The following ACTR3C variants were observed in gnomAD, a reference collection of about 807,000 sequenced individuals.
The protein encoded by ACTR3C is actin related protein 3C.
Under a neutral mutation model 26.3 loss-of-function variants are expected in ACTR3C, and 18 were observed. The ratio of observed to expected loss-of-function variants is 0.68; its 90% CI spans 0.47 to 1.01. The LOEUF (loss-of-function observed/expected upper bound fraction) is 1.01, where lower values mean the gene tolerates loss of function less well. Among genes scored for constraint, ACTR3C ranks in the 50% least tolerant of loss-of-function variants. ACTR3C has a pLI of 0.00. For missense variants in ACTR3C, 184 were observed against 250.7 expected, an observed-to-expected ratio of 0.73 and a Z score of 1.80; for synonymous variants, 55 against 94.5, an observed-to-expected ratio of 0.58 and a Z score of 2.42.
the ACTR3C span, among the ~76,000 whole-genome samples, chr7:150,039,007 G>A: frequency 2.0e-5 from 1 of 49,360 alleles, no homozygotes; most frequent in South Asian, 6.4e-4. Flanking sequence ...GCCGGGGGGC[G>A]GGGAAGAGGG....
chr7:150,264,197 G>A (rs556912700), intron 6 of ACTR3C, among the ~76,000 whole-genome samples: 3 of 152,348 alleles, frequency 2.0e-5, no homozygotes, highest in East Asian at 3.9e-4. Flanking sequence ...CCTCATTCGC[G>A]CTGCTCCTTT....
chr7:150,163,278 A>G, the ACTR3C span, among the ~76,000 whole-genome samples: 1 of 152,142 alleles, frequency 6.6e-6, no homozygotes, highest in Non-Finnish European at 1.5e-5. Flanking sequence ...TAAGGAGTAC[A>G]GATATCTGGA....
At chr7:150,119,154 C>T in the ACTR3C span, among the ~76,000 whole-genome samples, 1 of 152,114 alleles carries the variant, frequency 6.6e-6, no homozygotes, top group South Asian at 2.1e-4. Flanking sequence ...TAAAGACCAT[C>T]GACACTATGA....
At chr7:150,102,227 G>A in the ACTR3C span, among the ~76,000 whole-genome samples, 2 of 151,596 alleles carry the variant, frequency 1.3e-5, no homozygotes, top group Non-Finnish European at 2.9e-5. Context: ...ACATTTAAGG[G>A]TCTGGGATGA....
the ACTR3C span, among the ~76,000 whole-genome samples, chr7:150,119,222 A>G: frequency 2.0e-5 from 3 of 152,240 alleles, no homozygotes; most frequent in Non-Finnish European, 4.4e-5. Flanking sequence ...GACAGGATCA[A>G]ATTCACATAT....
chr7:150,321,048 T>C (rs1797458086), intron 1 of ACTR3C, among the ~76,000 whole-genome samples: 1 of 152,192 alleles, frequency 6.6e-6, no homozygotes, highest in African/African-American at 2.4e-5. Flanking sequence ...CTTAACTCAC[T>C]TAGTTCAGTT....
chr7:149,943,856 G>C, the ACTR3C span, among the ~76,000 whole-genome samples: 1 of 144,678 alleles, frequency 6.9e-6, no homozygotes, highest in Non-Finnish European at 1.5e-5. Context: ...GGCCACAAAA[G>C]CTGCAATTGC....
the ACTR3C span, among the ~76,000 whole-genome samples, chr7:150,022,116 C>A: frequency 6.6e-6 from 1 of 151,720 alleles, no homozygotes. Flanking sequence ...TTCACCATAT[C>A]CATGCCAACA....
chr7:149,902,461 A>C, the ACTR3C span, among the ~76,000 whole-genome samples: 13 of 150,222 alleles, frequency 8.7e-5, no homozygotes, highest in East Asian at 2.6e-3. Flanking sequence ...CCCAAAAATG[A>C]AATAATTGTT....
chr7:150,029,221 C>T, the ACTR3C span, among the ~76,000 whole-genome samples: 1 of 151,818 alleles, frequency 6.6e-6, no homozygotes, highest in African/African-American at 2.4e-5. Flanking sequence ...ACCTCTCCTT[C>T]CCCAACTAAG....
At chr7:150,263,031 T>G (rs1354997096) in intron 6 of ACTR3C, among the ~76,000 whole-genome samples, 12 of 152,146 alleles carry the variant, frequency 7.9e-5, no homozygotes, top group Non-Finnish European at 4.4e-5. Context: ...TAAGATGAGA[T>G]GTAACGAACT....
chr7:150,164,351 C>A, the ACTR3C span, among the ~76,000 whole-genome samples: 1 of 152,176 alleles, frequency 6.6e-6, no homozygotes, highest in Non-Finnish European at 1.5e-5. Context: ...CGGACAAGAC[C>A]ACCACAGTGA....
the ACTR3C span, among the ~76,000 whole-genome samples, chr7:150,125,384 C>A: frequency 6.7e-6 from 1 of 149,378 alleles, no homozygotes; most frequent in Admixed American, 6.8e-5. Flanking sequence ...ATGATCCCCA[C>A]TTTCCTGAAA....
chr7:149,924,239 A>G, the ACTR3C span, among the ~76,000 whole-genome samples: 1 of 148,556 alleles, frequency 6.7e-6, no homozygotes, highest in African/African-American at 2.5e-5. Flanking sequence ...GCTGGGTGTG[A>G]TGGCGGGCGC....
the ACTR3C span, among the ~76,000 whole-genome samples, chr7:150,042,459 C>G: frequency 9.7e-5 from 14 of 144,340 alleles, 2 homozygotes; most frequent in South Asian, 1.8e-3. Context: ...TGCAAAGAGC[C>G]AGGGGAGGAA....
At chr7:149,890,962 T>G in the ACTR3C span, 1 of 264,742 alleles carries the variant, frequency 3.8e-6, no homozygotes, top group Non-Finnish European at 7.3e-6. Flanking sequence ...ACTGAGCTGC[T>G]AAAACAACAG....
chr7:150,271,331 C>G (rs1249815689), intron 6 of ACTR3C, among the ~76,000 whole-genome samples: 1 of 149,816 alleles, frequency 6.7e-6, no homozygotes, highest in Admixed American at 6.6e-5. Flanking sequence ...AATGCTCTCC[C>G]TCCCCTAACA....
the ACTR3C span, among the ~76,000 whole-genome samples, chr7:150,236,502 A>G: frequency 6.6e-6 from 1 of 152,206 alleles, no homozygotes; most frequent in Non-Finnish European, 1.5e-5. Context: ...CCTAGGACCT[A>G]TGATTGATCG....
chr7:149,894,401 A>G, the ACTR3C span, among the ~76,000 whole-genome samples: 2 of 152,236 alleles, frequency 1.3e-5, 1 homozygote, highest in Admixed American at 1.3e-4. Context: ...GAATTACATC[A>G]AACTAAAAGT....
Sources: allele counts gnomAD v4.1 joint callset (sites outside exome capture counted in the v4.1 genomes callset), GRCh38; gene constraint gnomAD v4.1.1; transcripts MANE v1.5; gene names NCBI Gene and HGNC (gene_info 2026-07-23, HGNC 2026-07-21).